COL14A1: variants seen among roughly 807,000 people sequenced by gnomAD.
COL14A1 encodes collagen alpha-1(XIV) chain.
COL14A1 carries 136 observed loss-of-function variants against 230.3 expected under a neutral mutation model. That is an observed-to-expected ratio of 0.59 (90% CI 0.51 to 0.68). COL14A1 has a LOEUF of 0.68. COL14A1 is among the 30% of genes least tolerant of loss of function. COL14A1 has a pLI of 0.00. For synonymous variants in COL14A1, 792 were observed against 784.1 expected (o/e 1.01, Z -0.17); for missense variants, 1,976 against 2,215.8 (o/e 0.89, Z 2.17).
chr8:120,191,102 G>T (rs1212991575), intron 5 of COL14A1, among the ~76,000 whole-genome samples: 1 of 136,844 alleles, frequency 7.3e-6, no homozygotes, highest in South Asian at 2.6e-4. Context: ...GAATGTGTTT[G>T]CTCTTGCTTT....
At chr8:120,172,443 A>G (rs753822814) in intron 5 of COL14A1, among the ~76,000 whole-genome samples, 4 of 152,042 alleles carry the variant, frequency 2.6e-5, no homozygotes, top group Non-Finnish European at 4.4e-5. Context: ...GAGCCACCGC[A>G]GCCGGTTAGG....
chr8:120,285,888 A>C lies in COL14A1; in HGVS notation c.3995A>C (p.Asn1332Thr). The change falls in exon 33 of 48, where the codon AAC becomes ACC. Residue 1332 changes from asparagine (N) to threonine (T), a missense_variant. By Grantham distance (65) the Asn-to-Thr change is moderately conservative. Transcript: ENST00000297848. ...DNGGKTLTYF[N>T]YDQSGDFQTV... ...GGTGGGAAAACTCTAACATATTTCA[A>C]CTATGACCAGAGTGGGGATTTTCAA... 6.2e-7 allele frequency: 1 copy of C among 1,608,716 alleles called. No individual in the cohort carries two copies. Among genetic ancestry groups the C allele is most frequent in the Non-Finnish European group, 8.5e-7 (1 of 1,176,242 alleles).
chr8:120,304,333 G>C (rs563794022), intron 36 of COL14A1, among the ~76,000 whole-genome samples: 5 of 152,120 alleles, frequency 3.3e-5, no homozygotes, highest in African/African-American at 1.2e-4. Flanking sequence ...AGTTGTGATA[G>C]TAGGTTGTTA....
At chr8:120,355,594 GT>G (rs1822952927) in intron 45 of COL14A1, among the ~76,000 whole-genome samples, 1 of 151,862 alleles carries the variant, frequency 6.6e-6, no homozygotes, top group African/African-American at 2.4e-5. Context: ...TGTATTTTTA[GT>G]AGAGACGGGG....
At chr8:120,348,853 T>C (rs1822637435) in intron 45 of COL14A1, among the ~76,000 whole-genome samples, 1 of 152,236 alleles carries the variant, frequency 6.6e-6, no homozygotes, top group African/African-American at 2.4e-5. Flanking sequence ...TGCATGCAAA[T>C]GTATATAACT....
chr8:120,318,435 A>G (rs1175631851), intron 40 of COL14A1, among the ~76,000 whole-genome samples: 3 of 152,112 alleles, frequency 2.0e-5, no homozygotes, highest in Non-Finnish European at 4.4e-5. Flanking sequence ...TGGATTAAAA[A>G]CGGCTATTTA....
At chr8:120,326,526 T>A (rs1248294096) in intron 40 of COL14A1, among the ~76,000 whole-genome samples, 1 of 152,222 alleles carries the variant, frequency 6.6e-6, no homozygotes, top group Non-Finnish European at 1.5e-5. Context: ...CTGGTGTCAT[T>A]TAAGAGTTTA....
chr8:120,144,608 A>G (rs1192055901), intron 1 of COL14A1, among the ~76,000 whole-genome samples: 1 of 152,186 alleles, frequency 6.6e-6, no homozygotes, highest in African/African-American at 2.4e-5. Flanking sequence ...TATTTCAGGC[A>G]TCCCTAGCAA....
chr8:120,125,513 C>A (rs1814299447), intron 1 of COL14A1, among the ~76,000 whole-genome samples, 173 bp downstream of exon 1: 1 of 152,126 alleles, frequency 6.6e-6, no homozygotes. Context: ...GACGGGTACA[C>A]CTGGATGCCT....
intron 2 of COL14A1, among the ~76,000 whole-genome samples, chr8:120,152,709 A>T (rs1815330137): frequency 6.6e-6 from 1 of 152,188 alleles, no homozygotes; most frequent in Non-Finnish European, 1.5e-5. Context: ...AAGTAGTGTG[A>T]TGGCTGTAGG....
intron 5 of COL14A1, among the ~76,000 whole-genome samples, chr8:120,187,295 C>A (rs978838020): frequency 6.6e-6 from 1 of 152,038 alleles, no homozygotes; most frequent in African/African-American, 2.4e-5. Context: ...TAACATTACC[C>A]CTTGCCCCCA....
chr8:120,283,199 G>A (rs897803855), intron 31 of COL14A1, among the ~76,000 whole-genome samples: 2 of 152,146 alleles, frequency 1.3e-5, no homozygotes, highest in Non-Finnish European at 2.9e-5. Context: ...AGATGGGAAT[G>A]CAATTGACTA....
chr8:120,171,953 T>C (rs1816105927), intron 5 of COL14A1, among the ~76,000 whole-genome samples: 1 of 152,174 alleles, frequency 6.6e-6, no homozygotes, highest in South Asian at 2.1e-4. Context: ...CCCTTTCTAA[T>C]CTAGCCTGTT....
chr8:120,243,773 C>T, intron 19 of COL14A1, 106 bp from the exon 20 acceptor site: 1 of 1,323,196 alleles, frequency 7.6e-7, no homozygotes, highest in Non-Finnish European at 1.1e-6. Context: ...TCTCAAAGCA[C>T]ATCTCTTTTC....
intron 5 of COL14A1, among the ~76,000 whole-genome samples, chr8:120,193,368 G>A (rs964540873): frequency 2.6e-5 from 4 of 152,164 alleles, no homozygotes; most frequent in Non-Finnish European, 2.9e-5. Flanking sequence ...GTAGATTTTC[G>A]TGATCCGCGA....
chr8:120,202,105 T>C (rs933841366), intron 8 of COL14A1, among the ~76,000 whole-genome samples: 2 of 152,224 alleles, frequency 1.3e-5, no homozygotes, highest in East Asian at 3.8e-4. Context: ...TTTATTTTCC[T>C]GTCCTTTTGT....
At position 120,208,227 on chromosome 8, in the gene COL14A1, A is replaced by G; in HGVS notation, c.1192-5A>G. On this transcript the variant is annotated splice_polypyrimidine_tract_variant and splice_region_variant and intron_variant, in intron 10 of 47. Transcript: ENST00000297848. ...CTCTCATTACTCAAACTGTTCTTTA[A>G]ACAGGTGGTGGTAGATGGAACTGTA... 6.2e-7 allele frequency: 1 copy of G among 1,604,952 alleles called. No homozygotes were observed. The highest frequency in any genetic ancestry group is 8.5e-7 in the Non-Finnish European group (1 of 1,173,824).
At chr8:120,298,797 C>A (rs79368776) in intron 35 of COL14A1, among the ~76,000 whole-genome samples, 2,056 of 150,594 alleles carry the variant, frequency 0.014, 43 homozygotes, top group African/African-American at 0.047. Context: ...ACCTTATAAC[C>A]GTATTAGTTT....
intron 8 of COL14A1, among the ~76,000 whole-genome samples, chr8:120,202,132 C>A (rs911141226): frequency 6.6e-6 from 1 of 152,172 alleles, no homozygotes; most frequent in Non-Finnish European, 1.5e-5. Context: ...AAGGAAATCT[C>A]TGCCAAAGAC....
Sources: gnomAD v4.1 joint callset for allele counts (sites outside exome capture counted in the v4.1 genomes callset) on GRCh38, gnomAD v4.1.1 for gene constraint, MANE v1.5 for transcripts, NCBI Gene and HGNC (gene_info 2026-07-23, HGNC 2026-07-21) for gene names.